CPLX1: variants seen among roughly 807,000 people sequenced by gnomAD.
The protein encoded by CPLX1 is complexin-1.
CPLX1 carries 6 observed loss-of-function variants against 15.6 expected under a neutral mutation model. The ratio of observed to expected loss-of-function variants is 0.39; its 90% confidence interval spans 0.21 to 0.76. The LOEUF is 0.76. CPLX1 is among the 30% of genes least tolerant of loss of function. The pLI, the probability that CPLX1 is intolerant of heterozygous loss-of-function variation, is 0.43. For synonymous variants in CPLX1, 91 were observed against 75.2 expected (o/e 1.21, Z -1.08); for missense variants, 242 against 188.6 (o/e 1.28, Z -1.66).
At chr4:821,123 C>G (rs1746854505) in intron 2 of CPLX1, among the ~76,000 whole-genome samples, 1 of 152,234 alleles carries the variant, frequency 6.6e-6, no homozygotes, top group Non-Finnish European at 1.5e-5. Flanking sequence ...TCTCCGGGGA[C>G]AAGGACAGCT....
chr4:806,343 C>T (rs1746554687), intron 2 of CPLX1, among the ~76,000 whole-genome samples: 1 of 152,142 alleles, frequency 6.6e-6, no homozygotes, highest in South Asian at 2.1e-4. Flanking sequence ...ACTGGCTAGC[C>T]ATCTGAAGAA....
At position 786,531 on chromosome 4, in the gene CPLX1, G is replaced by A. The variant is rs770257151; in HGVS notation, c.375C>T (p.Pro125=). The change falls in exon 4 of 4, where the codon CCC becomes CCT. Residue 125 remains proline (P), a synonymous_variant. Transcript: ENST00000304062. ...SILDTVIKYL[P]GPLQDMLKK The stretch of plus-strand genomic sequence containing the variant: ...TCTTGAGCATGTCCTGCAGCGGCCC[G>A]GGCAGGTACTTGATGACGGTGTCCA... 4 of 1,603,248 alleles carry A rather than the reference G, an allele frequency of 2.5e-6. No individual in the cohort carries two copies. The South Asian group carries it at 3.4e-5, about 13-fold the overall frequency.
At chr4:811,561 A>G (rs2152647038) in intron 2 of CPLX1, among the ~76,000 whole-genome samples, 1 of 152,208 alleles carries the variant, frequency 6.6e-6, no homozygotes, top group Admixed American at 6.5e-5. Context: ...TTCTCATTGC[A>G]TTTCATTGTA....
chr4:817,538 T>G (rs552786617), intron 2 of CPLX1, among the ~76,000 whole-genome samples: 1 of 151,104 alleles, frequency 6.6e-6, no homozygotes, highest in African/African-American at 2.4e-5. Context: ...GCCTGGGCAA[T>G]AGAGCGAGAC....
intron 3 of CPLX1, among the ~76,000 whole-genome samples, chr4:791,392 C>T (rs1327130420): frequency 2.0e-5 from 3 of 152,246 alleles, no homozygotes; most frequent in Non-Finnish European, 2.9e-5. Context: ...GGGGAGAATC[C>T]GTGGGTGGGG....
chr4:813,577 C>T (rs1403294376), intron 2 of CPLX1, among the ~76,000 whole-genome samples: 1 of 152,192 alleles, frequency 6.6e-6, no homozygotes, highest in Admixed American at 6.5e-5. Context: ...CTTGGAGAAA[C>T]TGAACCAGAG....
At chr4:820,148 G>T (rs570637679) in intron 2 of CPLX1, among the ~76,000 whole-genome samples, 1 of 151,998 alleles carries the variant, frequency 6.6e-6, no homozygotes, top group Admixed American at 6.5e-5. Context: ...CAGCTCCACC[G>T]TCCTCCCGGA....
rs1298828169 is a variant in CPLX1 at position 824,482 on chromosome 4, C to T, written c.31+10G>A. The T allele has an allele frequency of 7.4e-6, 12 of 1,612,266 alleles. No homozygotes were observed. Among genetic ancestry groups the T allele is most frequent in the African/African-American group, 4.0e-5 (3 of 74,910 alleles). On this transcript the variant is annotated intron_variant, in intron 2 of 3. Transcript: ENST00000304062. ...CTCAGCCCCTCCCCACCCCACCTCC[C>T]GCTTCCTACCTCCTAGAGCCTGCTT...
In CPLX1 at chr4:816,952, CAT is replaced by C. The variant is rs577269490; in HGVS notation, c.31+7538_31+7539del. On this transcript the variant is annotated intron_variant, in intron 2 of 3. Coordinates refer to ENST00000304062, the MANE Select transcript of CPLX1 (RefSeq NM_006651.4). Reference sequence around the variant, plus strand: ...CAACTCTGGCAAGTAGAGCTTACATCATGTTTTCAAAGAGCACGCACATTCCA... The same window carrying C: ...CAACTCTGGCAAGTAGAGCTTACATCGTTTTCAAAGAGCACGCACATTCCA... Among the ~76,000 whole-genome samples, 854 of 152,310 alleles carry C rather than the reference CAT, an allele frequency of 5.6e-3. 7 individuals carry two copies. The highest frequency in any genetic ancestry group is 0.019 in the African/African-American group (800 of 41,554).
chr4:802,214 G>A (rs767572459), intron 2 of CPLX1, among the ~76,000 whole-genome samples: 1 of 152,230 alleles, frequency 6.6e-6, no homozygotes, highest in Non-Finnish European at 1.5e-5. Context: ...GCATCACTTA[G>A]CAACAGAGAC....
rs34354609 is a variant in CPLX1 at position 810,047 on chromosome 4, C to CTTT, written c.31+14442_31+14444dup. ...ACACGTCTGTGTGGATCTGCACTTT[C>CTTT]TTTTTTTTTTTTTTTTTTTTGAGAT... On this transcript the variant is annotated intron_variant, in intron 2 of 3. Transcript: ENST00000304062. Among the ~76,000 whole-genome samples the CTTT allele has an allele frequency of 2.8e-4, 34 of 120,322 alleles. 1 individual carries two copies. The highest frequency in any genetic ancestry group is 4.9e-4 in the African/African-American group (15 of 30,652). The allele number at this position is 120,322 out of a possible 152,430, so 78.9% of individuals were successfully genotyped here.
intron 2 of CPLX1, among the ~76,000 whole-genome samples, chr4:803,681 G>A (rs761528629): frequency 2.0e-5 from 3 of 152,038 alleles, no homozygotes; most frequent in Non-Finnish European, 4.4e-5. Flanking sequence ...CACCGCGCCC[G>A]GCCTTCTTTC....
rs139022326 is a variant in CPLX1, at chr4:796,972, C to T, written c.32-4364G>A. Reference sequence around the variant, plus strand: ...GACCCCCACAGACACAGGACCCCCACGTGGGACCAGAGACAGAGGTGGAGG... The same window carrying T: ...GACCCCCACAGACACAGGACCCCCATGTGGGACCAGAGACAGAGGTGGAGG... On this transcript the variant is annotated intron_variant, in intron 2 of 3. Coordinates refer to ENST00000304062, the MANE Select transcript of CPLX1 (RefSeq NM_006651.4). Among the ~76,000 whole-genome samples, 474 of 152,288 alleles carry T rather than the reference C, an allele frequency of 3.1e-3. 2 individuals are homozygous for T. Among genetic ancestry groups the T allele is most frequent in the African/African-American group, 0.011 (453 of 41,544 alleles).
At chr4:815,985 T>C (rs1052603934) in intron 2 of CPLX1, among the ~76,000 whole-genome samples, 3 of 152,318 alleles carry the variant, frequency 2.0e-5, no homozygotes, top group Admixed American at 6.5e-5. Flanking sequence ...TTCAAAGATC[T>C]TTTGTTGTCT....
At chr4:791,209 G>A (rs1418661970) in intron 3 of CPLX1, among the ~76,000 whole-genome samples, 2 of 150,856 alleles carry the variant, frequency 1.3e-5, no homozygotes, top group Non-Finnish European at 2.9e-5. Flanking sequence ...CGGAGGGGTG[G>A]GCTGGAGGCT....
intron 3 of CPLX1, among the ~76,000 whole-genome samples, chr4:792,189 C>A (rs1005758194): frequency 6.6e-6 from 1 of 152,220 alleles, no homozygotes; most frequent in Non-Finnish European, 1.5e-5. Context: ...CATCGGAATG[C>A]GGGCCTAGGA....
At chr4:787,734 G>C (rs954354457) in intron 3 of CPLX1, 40 of 969,814 alleles carry the variant, frequency 4.1e-5, no homozygotes, top group Middle Eastern at 1.1e-3. Flanking sequence ...TCAGGCCCCG[G>C]GGTTTTGGTT....
chr4:796,067 GC>G (rs1478166798), intron 2 of CPLX1, among the ~76,000 whole-genome samples: 1 of 152,118 alleles, frequency 6.6e-6, no homozygotes. Context: ...CAGAGCAGCC[GC>G]CCCTGAGGTC....
intron 2 of CPLX1, among the ~76,000 whole-genome samples, chr4:802,384 A>G (rs1716223107): frequency 1.3e-5 from 2 of 152,248 alleles, no homozygotes; most frequent in Non-Finnish European, 2.9e-5. Flanking sequence ...GGGGCCAGGC[A>G]GACTTAACCA....
Sources: gnomAD v4.1 joint callset for allele counts (sites outside exome capture counted in the v4.1 genomes callset) on GRCh38, gnomAD v4.1.1 for gene constraint, MANE v1.5 for transcripts, NCBI Gene and HGNC (gene_info 2026-07-23, HGNC 2026-07-21) for gene names.